ZGRF1: variants seen among roughly 807,000 people sequenced by gnomAD.
ZGRF1 encodes 5'-3' DNA helicase ZGRF1.
In ZGRF1, 196 loss-of-function variants were observed where a neutral mutation model predicts 203.5. The observed-to-expected ratio is 0.96, with a 90% CI of 0.86 to 1.08. The LOEUF is 1.08. Among genes scored for constraint, ZGRF1 ranks in the 50% least tolerant of loss-of-function variants. ZGRF1 has a pLI of 0.00. For missense variants in ZGRF1, 2,326 were observed against 2,416.3 expected (o/e 0.96, Z 0.78); for synonymous variants, 809 against 841.3 (o/e 0.96, Z 0.66).
chr4:112,618,733 T>C lies in ZGRF1; in HGVS notation c.1309A>G (p.Asn437Asp), dbSNP rs2046968992. The C allele has an allele frequency of 6.2e-7, 1 of 1,610,864 alleles. No homozygotes were observed. The highest frequency in any genetic ancestry group is 1.7e-4 in the Middle Eastern group (1 of 6,056). ...TCATTTTGATTAAAAGGTATTTTAT[T>C]ATCTTCTTGAATGTCAGATTCTGAT... Reference protein sequence around the residue: ...ILSESDIQEDNKIPFNQNDKG... With the variant: ...ILSESDIQEDDKIPFNQNDKG... Residue 437 changes from asparagine to aspartate, a missense_variant, in exon 6 of 28, where the codon AAT becomes GAT. Physicochemically the swap from Asn to Asp is conservative, Grantham distance 23. Transcript: ENST00000505019.
Position 112,587,851 on chromosome 4 carries a change from A to G in ZGRF1, c.3206T>C (p.Ile1069Thr), listed in dbSNP as rs779110648. Residue 1069 changes from isoleucine to threonine, a missense_variant, in exon 12 of 28, where the codon ATT (isoleucine) becomes ACT (threonine). Transcript: ENST00000505019. ...SLLSRTQVPL[I>T]TLPRTDGPPD... Reference sequence around the variant, plus strand: ...TGGCCCATCAGTACGTGGCAAAGTAATAAGTGGAACCTGGGTTCTACTTAA... The same window carrying G: ...TGGCCCATCAGTACGTGGCAAAGTAGTAAGTGGAACCTGGGTTCTACTTAA... 3.9e-6 allele frequency: 6 copies of G among 1,551,196 alleles called. No homozygotes were observed. The South Asian group carries it at 4.8e-5, about 12-fold the overall frequency.
intron 16 of ZGRF1, among the ~76,000 whole-genome samples, chr4:112,574,608 ATTATT>A (rs1205346970): frequency 2.6e-5 from 4 of 152,212 alleles, no homozygotes. Flanking sequence ...TGCTTATTGT[ATTATT>A]TTAAGTAAGT....
At chr4:112,545,665 T>G (rs1196069257) in intron 24 of ZGRF1, among the ~76,000 whole-genome samples, 1 of 152,212 alleles carries the variant, frequency 6.6e-6, no homozygotes, top group Non-Finnish European at 1.5e-5. Flanking sequence ...TTTGAACAAG[T>G]ATCTGTATAT....
Position 112,539,987 on chromosome 4 carries a change from G to C in ZGRF1, c.6048C>G (p.Phe2016Leu). 1.9e-6 allele frequency: 3 copies of C among 1,613,646 alleles called. No homozygotes were observed. The highest frequency in any genetic ancestry group is 2.5e-6 in the Non-Finnish European group (3 of 1,179,768). Residue 2016 changes from phenylalanine (F) to leucine (L), a missense_variant, in exon 27 of 28, where the codon TTC (phenylalanine) becomes TTG (leucine). Phe to Leu is a conservative substitution (Grantham distance 22). Transcript: ENST00000505019. ...LSCVRTRQVGFIDSEKRMNVA... is the reference protein window; with the variant it reads ...LSCVRTRQVGLIDSEKRMNVA... ...CATTCATTCTTTTTTCTGAATCAAT[G>C]AATCCTACTTGTCTTGTCCTTACAC...
chr4:112,597,150 G>A (rs1262229132), intron 10 of ZGRF1, among the ~76,000 whole-genome samples: 1 of 149,312 alleles, frequency 6.7e-6, no homozygotes, highest in Non-Finnish European at 1.5e-5. Flanking sequence ...AGAGGCGGAG[G>A]TTGCAGTGAG....
chr4:112,605,124 A>G (rs573720723), intron 9 of ZGRF1, among the ~76,000 whole-genome samples: 2 of 152,024 alleles, frequency 1.3e-5, no homozygotes, highest in South Asian at 4.2e-4. Context: ...CTGATGGGTA[A>G]TGTATACTCC....
rs773250597 is a variant in ZGRF1, at chr4:112,553,936, G to A, written c.5245C>T (p.His1749Tyr). 1 of 1,612,816 alleles carries A rather than the reference G, an allele frequency of 6.2e-7. No homozygotes were observed. The change falls in exon 22 of 28, where the codon CAT becomes TAT. Residue 1749 changes from histidine (H) to tyrosine (Y), a missense_variant. Physicochemically the swap from His to Tyr is moderately conservative, Grantham distance 83. Coordinates refer to ENST00000505019, the MANE Select transcript of ZGRF1 (RefSeq NM_018392.5). ...ENESEQLKEL[H>Y]ALMKEDLTPT... ...GTCAGGTCTTCTTTCATTAGTGCAT[G>A]TAGTTCTTTTAACTGTTCACTTTCA...
chr4:112,563,914 T>C (rs1348398130), intron 16 of ZGRF1, among the ~76,000 whole-genome samples: 1 of 152,160 alleles, frequency 6.6e-6, no homozygotes, highest in Non-Finnish European at 1.5e-5. Context: ...ACTAATCCCA[T>C]GCAGGATTAA....
At position 112,587,419 on chromosome 4, in the gene ZGRF1, C is replaced by G; in HGVS notation, c.3638G>C (p.Arg1213Pro). ...CGAATCTTGACTGCTAAAATCCTGC[C>G]GCTGTTGATAGAGCATGCCTTTTAT... ...QMIKGMLYQQ[R>P]QDFSSQDSVS... Residue 1213 changes from arginine (R) to proline (P), a missense_variant, in exon 12 of 28, where the codon CGG becomes CCG. Physicochemically the swap from Arg to Pro is moderately radical, Grantham distance 103. Coordinates refer to ENST00000505019, the MANE Select transcript of ZGRF1 (RefSeq NM_018392.5). The G allele has an allele frequency of 6.2e-7, 1 of 1,613,862 alleles. No individual in the cohort carries two copies. The highest frequency in any genetic ancestry group is 8.5e-7 in the Non-Finnish European group (1 of 1,179,840).
At chr4:112,584,218 T>A (rs1746775289) in intron 14 of ZGRF1, 44 bp from the exon 15 acceptor site, 1 of 1,377,538 alleles carries the variant, frequency 7.3e-7, no homozygotes, top group Non-Finnish European at 9.8e-7. Context: ...AAAAAAATGC[T>A]TTTATTTTTC....
intron 1 of ZGRF1, among the ~76,000 whole-genome samples, chr4:112,634,689 T>G (rs1038782007): frequency 4.6e-5 from 7 of 151,286 alleles, no homozygotes; most frequent in Non-Finnish European, 8.8e-5. Flanking sequence ...GGCGGTGAAG[T>G]GCAAGAAAGT....
Position 112,587,303 on chromosome 4 carries a change from T to A in ZGRF1, c.3754A>T (p.Asn1252Tyr), listed in dbSNP as rs1265161081. ...ACCTGTAAATCCTTTACACTGTAGT[T>A]GTAGCAGGTAGACCCTCCTAATACA... ...KNVLGGSTCY[N>Y]YSVKDLQEIS... is the part of the protein sequence containing the mutation. The change falls in exon 12 of 28, where the codon AAC (asparagine) becomes TAC (tyrosine). Residue 1252 changes from asparagine (N) to tyrosine (Y), a missense_variant. Transcript: ENST00000505019. The A allele has an allele frequency of 6.2e-7, 1 of 1,611,182 alleles. No homozygotes were observed. Among genetic ancestry groups the A allele is most frequent in the Non-Finnish European group, 8.5e-7 (1 of 1,178,968 alleles).
At chr4:112,624,699 C>T (rs936487450) in intron 3 of ZGRF1, among the ~76,000 whole-genome samples, 1 of 152,024 alleles carries the variant, frequency 6.6e-6, no homozygotes, top group Non-Finnish European at 1.5e-5. Context: ...TTACCATTTT[C>T]TAGCTTTTCC....
chr4:112,579,754 T>G (rs564001370), intron 16 of ZGRF1, among the ~76,000 whole-genome samples: 4 of 120,586 alleles, frequency 3.3e-5, no homozygotes, highest in African/African-American at 1.1e-4. Context: ...TACAAACCAC[T>G]GCTCAATGAA....
intron 9 of ZGRF1, among the ~76,000 whole-genome samples, chr4:112,604,365 A>G (rs1276916586): frequency 6.6e-6 from 1 of 152,186 alleles, no homozygotes; most frequent in African/African-American, 2.4e-5. Context: ...CTTCCACTAT[A>G]TATTATACAA....
At chr4:112,626,543 C>T (rs1345640969) in intron 3 of ZGRF1, among the ~76,000 whole-genome samples, 1 of 152,210 alleles carries the variant, frequency 6.6e-6, no homozygotes, top group African/African-American at 2.4e-5. Flanking sequence ...AGTGGTCTGT[C>T]TCCTCCACGT....
chr4:112,631,909 A>C (rs1180839890), intron 3 of ZGRF1, 21 bp downstream of exon 3: 1 of 1,448,728 alleles, frequency 6.9e-7, no homozygotes, highest in Non-Finnish European at 9.4e-7. Context: ...TGCACCCTAT[A>C]GTCAACTGCT....
chr4:112,548,421 A>T, intron 22 of ZGRF1, 41 bp from the exon 23 acceptor site: 1 of 1,476,900 alleles, frequency 6.8e-7, no homozygotes, highest in South Asian at 1.3e-5. Context: ...CAATTATTAA[A>T]AGAAAATAAG....
Position 112,619,514 on chromosome 4 carries a change from A to T in ZGRF1, c.528T>A (p.Pro176=). The T allele has an allele frequency of 6.2e-7, 1 of 1,613,972 alleles. No homozygotes were observed. The highest frequency in any genetic ancestry group is 1.7e-5 in the Admixed American group (1 of 59,978). The part of the protein sequence containing the change: ...KKDVNNILAD[P]ENIVTYKNRE... Reference sequence around the variant, plus strand: ...TGTTCTTGTAAGTCACAATGTTCTCAGGGTCTGCCAGTATATTATTTACAT... The same window carrying T: ...TGTTCTTGTAAGTCACAATGTTCTCTGGGTCTGCCAGTATATTATTTACAT... Residue 176 remains proline, a synonymous_variant, in exon 6 of 28, where the codon CCT becomes CCA. Transcript: ENST00000505019.
Sources: gnomAD v4.1 joint callset for allele counts (sites outside exome capture counted in the v4.1 genomes callset) on GRCh38, gnomAD v4.1.1 for gene constraint, MANE v1.5 for transcripts, NCBI Gene and HGNC (gene_info 2026-07-23, HGNC 2026-07-21) for gene names.